Variants in GALNT14 observed in about 807,000 individuals in gnomAD.
GALNT14 encodes polypeptide N-acetylgalactosaminyltransferase 14.
A neutral mutation model predicts 77.5 loss-of-function variants in GALNT14; 60 were observed. That is an observed-to-expected ratio of 0.77 (90% CI 0.63 to 0.96). The LOEUF is 0.96. GALNT14 is among the 40% of genes least tolerant of loss of function. GALNT14 has a pLI of 0.00. For synonymous variants in GALNT14, 280 were observed against 281.7 expected (o/e 0.99, Z 0.06); for missense variants, 710 against 731.0 (o/e 0.97, Z 0.33).
intron 1 of GALNT14, chr2:31,125,104 C>T (rs893919980): frequency 7.4e-7 from 1 of 1,345,782 alleles, no homozygotes; most frequent in East Asian, 2.5e-5. Context: ...CCTGCTTGGG[C>T]AGAAAAGCAG....
At chr2:31,074,739 G>A (rs932587470) in intron 1 of GALNT14, among the ~76,000 whole-genome samples, 1 of 152,140 alleles carries the variant, frequency 6.6e-6, no homozygotes, top group Non-Finnish European at 1.5e-5. Context: ...CCCAGACTCA[G>A]AATTGTCATA....
intron 2 of GALNT14, among the ~76,000 whole-genome samples, chr2:30,989,567 TATATATATATATATAAAA>T (rs1669529166): frequency 2.4e-5 from 3 of 125,738 alleles, no homozygotes; most frequent in South Asian, 2.4e-4. Flanking sequence ...ACCTTATATA[TATATATATATATATAAAA>T]ATATATATAT....
In GALNT14 at chr2:30,955,942, C is replaced by T; in HGVS notation, c.502G>A (p.Val168Met). ...DCKQLIKLPK[V>M]KCLRNNERQG... ...CGTTCATTATTGCGCAAGCATTTCA[C>T]CTTGGGCAACTTGATGAGCTGTTTA... The change falls in exon 5 of 15, where the codon GTG becomes ATG. Residue 168 changes from valine (V) to methionine (M), a missense_variant. Coordinates refer to ENST00000349752, the MANE Select transcript of GALNT14 (RefSeq NM_024572.4). 1.9e-6 allele frequency: 3 copies of T among 1,614,186 alleles called. No individual in the cohort carries two copies. The highest frequency in any genetic ancestry group is 2.5e-6 in the Non-Finnish European group (3 of 1,180,050).
chr2:31,102,281 T>C (rs944006897), intron 1 of GALNT14, among the ~76,000 whole-genome samples: 2 of 152,168 alleles, frequency 1.3e-5, no homozygotes, highest in Admixed American at 6.6e-5. Context: ...TTTGTGTATA[T>C]ATTTAAGCCA....
chr2:30,972,461 C>A (rs1389418111), intron 2 of GALNT14, among the ~76,000 whole-genome samples: 1 of 152,182 alleles, frequency 6.6e-6, no homozygotes, highest in African/African-American at 2.4e-5. Context: ...GCTCATTGAA[C>A]CTTTCTCAGC....
At chr2:30,983,058 C>A (rs1415955932) in intron 2 of GALNT14, among the ~76,000 whole-genome samples, 4 of 152,162 alleles carry the variant, frequency 2.6e-5, no homozygotes, top group Admixed American at 6.5e-5. Flanking sequence ...TTCCTCTGTC[C>A]TTTAAAGACA....
chr2:30,961,290 A>C (rs565565868), intron 3 of GALNT14, among the ~76,000 whole-genome samples: 13 of 152,356 alleles, frequency 8.5e-5, no homozygotes, highest in African/African-American at 3.1e-4. Flanking sequence ...ACGGTGCTCT[A>C]TGCAGGCAGG....
At chr2:31,071,368 G>A (rs1406778410) in intron 1 of GALNT14, among the ~76,000 whole-genome samples, 1 of 152,188 alleles carries the variant, frequency 6.6e-6, no homozygotes, top group East Asian at 1.9e-4. Flanking sequence ...AAAGTCCGGA[G>A]GACATCAGAG....
At chr2:31,046,790 C>T (rs934832761) in intron 1 of GALNT14, among the ~76,000 whole-genome samples, 4 of 152,072 alleles carry the variant, frequency 2.6e-5, no homozygotes, top group Non-Finnish European at 4.4e-5. Context: ...CCAGGTCTCC[C>T]CAGTGCCCAC....
intron 1 of GALNT14, among the ~76,000 whole-genome samples, chr2:31,055,262 T>A (rs1674137544): frequency 6.6e-6 from 1 of 152,224 alleles, no homozygotes; most frequent in African/African-American, 2.4e-5. Context: ...TGTAAACCCA[T>A]CAGTGGGGCG....
Position 30,944,959 on chromosome 2 carries a change from A to G in GALNT14, c.743-17T>C, listed in dbSNP as rs1666600688. 2 of 1,586,438 alleles carry G rather than the reference A, an allele frequency of 1.3e-6. No individual in the cohort carries two copies. The highest frequency in any genetic ancestry group is 1.7e-6 in the Non-Finnish European group (2 of 1,163,046). On this transcript the variant is annotated splice_polypyrimidine_tract_variant and intron_variant, in intron 7 of 14. Coordinates refer to ENST00000349752, the MANE Select transcript of GALNT14 (RefSeq NM_024572.4). Reference sequence around the variant, plus strand: ...AGTCAAACCCTACAACACAGCACCAACCCACCTGCTTTGGTCTCTCAAAAG... The same window carrying G: ...AGTCAAACCCTACAACACAGCACCAGCCCACCTGCTTTGGTCTCTCAAAAG...
At chr2:31,000,668 T>A (rs934486138) in intron 1 of GALNT14, among the ~76,000 whole-genome samples, 4 of 152,190 alleles carry the variant, frequency 2.6e-5, no homozygotes, top group Admixed American at 6.5e-5. Context: ...TTTGTTCTTT[T>A]AAGACCTTCA....
At chr2:30,897,308 T>G in the GALNT14 span, among the ~76,000 whole-genome samples, 1 of 152,236 alleles carries the variant, frequency 6.6e-6, no homozygotes, top group African/African-American at 2.4e-5. Flanking sequence ...GGTCTAAGAC[T>G]CCTGCCCCCG....
At chr2:30,909,236 G>A (rs2148189868), downstream of GALNT14, among the ~76,000 whole-genome samples, 1 of 149,522 alleles carries the variant, frequency 6.7e-6, no homozygotes, top group South Asian at 2.1e-4. Context: ...AAGAGCTTCT[G>A]CACAGCAAAA....
chr2:30,916,214 A>C lies in GALNT14; in HGVS notation c.1381-3872T>G, dbSNP rs1664670921. Among the ~76,000 whole-genome samples the C allele has an allele frequency of 3.9e-5, 6 of 152,212 alleles. No homozygotes were observed. The South Asian group carries it at 1.2e-3, about 32-fold the overall frequency. Reference sequence around the variant, plus strand: ...CACTTATGTCTTTAGATGAATGCACACTCACACGTAGACAAACAGCTTAGA... The same window carrying C: ...CACTTATGTCTTTAGATGAATGCACCCTCACACGTAGACAAACAGCTTAGA... On this transcript the variant is annotated intron_variant, in intron 13 of 14. Coordinates refer to ENST00000349752, the MANE Select transcript of GALNT14 (RefSeq NM_024572.4).
intron 1 of GALNT14, among the ~76,000 whole-genome samples, chr2:31,011,870 A>G (rs941125850): frequency 6.6e-6 from 1 of 152,172 alleles, no homozygotes; most frequent in African/African-American, 2.4e-5. Flanking sequence ...TGTTCTCTGG[A>G]CGTGCCGCCT....
chr2:30,961,939 C>T (rs1667717195), intron 3 of GALNT14, among the ~76,000 whole-genome samples: 1 of 152,082 alleles, frequency 6.6e-6, no homozygotes. Flanking sequence ...GTGATCTGCA[C>T]ACCTTGGCCT....
At chr2:31,080,025 G>T (rs553643255) in intron 1 of GALNT14, among the ~76,000 whole-genome samples, 2 of 152,246 alleles carry the variant, frequency 1.3e-5, no homozygotes, top group African/African-American at 4.8e-5. Flanking sequence ...CTGCAAACAT[G>T]AGGATGCCCA....
intron 1 of GALNT14, among the ~76,000 whole-genome samples, chr2:31,106,832 G>A (rs1677582277): frequency 6.6e-6 from 1 of 152,026 alleles, no homozygotes; most frequent in Non-Finnish European, 1.5e-5. Context: ...ATTACTTATT[G>A]TTGTATGAGA....
Sources: gnomAD v4.1 joint callset for allele counts (sites outside exome capture counted in the v4.1 genomes callset) on GRCh38, gnomAD v4.1.1 for gene constraint, MANE v1.5 for transcripts, NCBI Gene and HGNC (gene_info 2026-07-23, HGNC 2026-07-21) for gene names.